PPARD: variants seen among roughly 807,000 people sequenced by gnomAD.
The protein encoded by PPARD is peroxisome proliferator activated receptor delta.
PPARD carries 6 observed loss-of-function variants against 39.5 expected under a neutral mutation model. That is an observed-to-expected ratio of 0.15 (90% CI 0.08 to 0.30). PPARD has a LOEUF of 0.30. Ranked by LOEUF, PPARD falls within the 10% of genes least tolerant of loss-of-function variation. The pLI, the probability that PPARD is intolerant of heterozygous loss-of-function variation, is 1.00. For synonymous variants in PPARD, 210 were observed against 231.3 expected (o/e 0.91, Z 0.83); for missense variants, 397 against 596.8 (o/e 0.67, Z 3.49).
chr6:35,396,265 C>T (rs1764307143), intron 2 of PPARD, among the ~76,000 whole-genome samples: 1 of 151,280 alleles, frequency 6.6e-6, no homozygotes, highest in Non-Finnish European at 1.5e-5. Flanking sequence ...AGTGCAGTGG[C>T]ACGATCTTGG....
intron 2 of PPARD, among the ~76,000 whole-genome samples, chr6:35,403,366 A>T (rs1345327142): frequency 2.0e-5 from 3 of 152,118 alleles, no homozygotes; most frequent in African/African-American, 7.2e-5. Context: ...TCCAGTTTTA[A>T]TGTCTTCCCC....
At chr6:35,360,572 C>A (rs1380762111) in intron 2 of PPARD, among the ~76,000 whole-genome samples, 2 of 152,206 alleles carry the variant, frequency 1.3e-5, no homozygotes, top group South Asian at 2.1e-4. Context: ...CCCTGCTGTT[C>A]TTGCTGATGT....
intron 2 of PPARD, among the ~76,000 whole-genome samples, chr6:35,374,615 G>T (rs561757427): frequency 6.8e-6 from 1 of 147,060 alleles, no homozygotes; most frequent in African/African-American, 2.6e-5. Flanking sequence ...CTGAGATCGC[G>T]CCCCTGCACT....
At chr6:35,364,894 A>G (rs1416311141) in intron 2 of PPARD, among the ~76,000 whole-genome samples, 1 of 151,334 alleles carries the variant, frequency 6.6e-6, no homozygotes, top group Non-Finnish European at 1.5e-5. Context: ...TATTTTTAGT[A>G]GAGACGGGGT....
intron 2 of PPARD, among the ~76,000 whole-genome samples, chr6:35,352,579 T>C (rs567601825): frequency 1.6e-4 from 24 of 152,302 alleles, no homozygotes; most frequent in Non-Finnish European, 3.2e-4. Flanking sequence ...TGGCATTTTA[T>C]TGTCTTTCAT....
At chr6:35,347,241 A>T in intron 2 of PPARD, 91 bp downstream of exon 2, 1 of 1,440,540 alleles carries the variant, frequency 6.9e-7, no homozygotes, top group South Asian at 1.2e-5. Flanking sequence ...AAATAATTTC[A>T]CTAGGGCTTA....
chr6:35,415,816 A>T (rs974426061), intron 3 of PPARD, among the ~76,000 whole-genome samples: 3 of 110,776 alleles, frequency 2.7e-5, no homozygotes, highest in Non-Finnish European at 5.0e-5. Context: ...AAAGAAAGAG[A>T]TGTGTTTTAA....
intron 2 of PPARD, 82 bp downstream of exon 2, chr6:35,347,232 A>G: frequency 6.8e-7 from 1 of 1,478,972 alleles, no homozygotes; most frequent in Non-Finnish European, 9.1e-7. Context: ...TTGAAGATGA[A>G]ATAATTTCAC....
chr6:35,366,308 G>A lies in PPARD; in HGVS notation c.-102+19158G>A, dbSNP rs1319415417. ...GATAGGATTGGCCAAGGCAACAGAT[G>A]GAGCCATGATTGTGGACAATCTTAC... On this transcript the variant is annotated intron_variant, in intron 2 of 7. Coordinates refer to ENST00000360694, the MANE Select transcript of PPARD (RefSeq NM_006238.5). The surrounding 1 kb of genome is among the most constrained non-coding windows in gnomAD (Gnocchi z 4.6). Among the ~76,000 whole-genome samples, 1 of 151,740 alleles carries A rather than the reference G, an allele frequency of 6.6e-6. No homozygotes were observed. The highest frequency in any genetic ancestry group is 1.9e-4 in the East Asian group (1 of 5,198).
chr6:35,367,478 A>C (rs79226209), intron 2 of PPARD, among the ~76,000 whole-genome samples: 90 of 152,270 alleles, frequency 5.9e-4, no homozygotes, highest in African/African-American at 2.0e-3. Context: ...GGTTATCATC[A>C]TTCCCTATCT....
chr6:35,351,681 G>A (rs1252549077), intron 2 of PPARD, among the ~76,000 whole-genome samples: 2 of 151,934 alleles, frequency 1.3e-5, no homozygotes, highest in African/African-American at 4.8e-5. Context: ...AGCGTCCAGA[G>A]TAGCTAGGAC....
intron 2 of PPARD, among the ~76,000 whole-genome samples, chr6:35,386,844 G>A (rs530152970): frequency 6.6e-6 from 1 of 152,114 alleles, no homozygotes; most frequent in Non-Finnish European, 1.5e-5. Context: ...GTCCCAGGAG[G>A]CCCTGTCTTG....
intron 2 of PPARD, among the ~76,000 whole-genome samples, chr6:35,373,261 C>A (rs1294712484): frequency 2.0e-5 from 3 of 152,312 alleles, no homozygotes; most frequent in African/African-American, 7.2e-5. Context: ...AACATTCAAA[C>A]CATAGCAATG....
intron 3 of PPARD, 79 bp downstream of exon 3, chr6:35,411,296 G>A (rs2150780754): frequency 2.2e-6 from 3 of 1,343,090 alleles, no homozygotes; most frequent in East Asian, 5.5e-5. Flanking sequence ...CTCTGCAAAC[G>A]CCATCATGTG....
chr6:35,355,409 A>T (rs1296635979), intron 2 of PPARD, among the ~76,000 whole-genome samples: 1 of 151,620 alleles, frequency 6.6e-6, no homozygotes, highest in Non-Finnish European at 1.5e-5. Flanking sequence ...AAAATTATCC[A>T]GGCGTGGTGG....
chr6:35,407,787 C>G (rs910208724), intron 2 of PPARD, among the ~76,000 whole-genome samples: 1 of 150,508 alleles, frequency 6.6e-6, no homozygotes, highest in Non-Finnish European at 1.5e-5. Context: ...GAATAATTGT[C>G]TTTCACACAA....
intron 2 of PPARD, among the ~76,000 whole-genome samples, chr6:35,358,745 G>A (rs1433760643): frequency 6.6e-6 from 1 of 152,180 alleles, no homozygotes; most frequent in South Asian, 2.1e-4. Flanking sequence ...GACCAGTGAG[G>A]ATGTAGGATT....
intron 2 of PPARD, among the ~76,000 whole-genome samples, chr6:35,386,977 AAACCTGCT>A (rs1274041125): frequency 6.7e-6 from 1 of 148,908 alleles, no homozygotes; most frequent in Admixed American, 6.7e-5. Flanking sequence ...GAGGTGGGGG[AAACCTGCT>A]TTCCCCCACC....
intron 2 of PPARD, among the ~76,000 whole-genome samples, chr6:35,380,476 GTTTTTTTTTTTTTTTTTT>G (rs71002557): frequency 1.5e-5 from 1 of 67,102 alleles, no homozygotes; most frequent in Non-Finnish European, 2.8e-5. Context: ...TTTTTTGTTT[GTTTTTTTTTTTTTTTTTT>G]TTTTTTTTTT....
Sources: allele counts gnomAD v4.1 joint callset (sites outside exome capture counted in the v4.1 genomes callset), GRCh38; gene constraint gnomAD v4.1.1; non-coding constraint Gnocchi (gnomAD v3.1); transcripts MANE v1.5; gene names NCBI Gene and HGNC (gene_info 2026-07-23, HGNC 2026-07-21).